Variants in PITPNC1 observed in about 807,000 individuals in gnomAD.
PITPNC1 encodes the protein phosphatidylinositol transfer protein cytoplasmic 1.
Under a neutral mutation model 44.7 loss-of-function variants are expected in PITPNC1, and 18 were observed. The observed-to-expected ratio is 0.40, with a 90% CI of 0.28 to 0.60. The LOEUF (loss-of-function observed/expected upper bound fraction) is 0.60. Ranked by LOEUF, PITPNC1 falls within the 20% of genes least tolerant of loss-of-function variation. PITPNC1 has a pLI of 0.39. For synonymous variants in PITPNC1, 141 were observed against 149.6 expected, an observed-to-expected ratio of 0.94 and a Z score of 0.42; for missense variants, 290 against 418.4, an observed-to-expected ratio of 0.69 and a Z score of 2.68.
intron 5 of PITPNC1, among the ~76,000 whole-genome samples, chr17:67,623,253 C>T (rs994115513): frequency 2.0e-5 from 3 of 152,156 alleles, no homozygotes; most frequent in African/African-American, 7.2e-5. Context: ...GCCACCTCTA[C>T]CTTGTATCCT....
At chr17:67,641,945 C>T (rs1010765494) in intron 6 of PITPNC1, among the ~76,000 whole-genome samples, 3 of 152,034 alleles carry the variant, frequency 2.0e-5, no homozygotes, top group Non-Finnish European at 4.4e-5. Context: ...GTTGTTCTAA[C>T]GTCTCTGTAG....
chr17:67,439,066 G>A (rs542912302), intron 1 of PITPNC1, among the ~76,000 whole-genome samples: 1 of 152,252 alleles, frequency 6.6e-6, no homozygotes, highest in East Asian at 1.9e-4. Context: ...ACAAGTTTCT[G>A]GTTGGTTTCG....
At chr17:67,682,472 A>G (rs777702147) in intron 8 of PITPNC1, among the ~76,000 whole-genome samples, 19 of 152,104 alleles carry the variant, frequency 1.2e-4, no homozygotes, top group Non-Finnish European at 2.8e-4. Flanking sequence ...TCACGCCCTG[A>G]GATAAGAGTC....
intron 1 of PITPNC1, among the ~76,000 whole-genome samples, chr17:67,449,443 C>A (rs1414960960): frequency 6.6e-6 from 1 of 152,128 alleles, no homozygotes; most frequent in African/African-American, 2.4e-5. Context: ...TGCTGACGAC[C>A]CGAGATTCCT....
intron 4 of PITPNC1, among the ~76,000 whole-genome samples, chr17:67,562,672 G>A (rs1379665581): frequency 6.6e-6 from 1 of 151,902 alleles, no homozygotes; most frequent in Non-Finnish European, 1.5e-5. Flanking sequence ...ACCCTCACAA[G>A]GCAGAAGGGC....
chr17:67,552,342 A>G lies in PITPNC1; in HGVS notation c.283A>G (p.Thr95Ala). ...TTGGAACTATTATCCCTACACAATT[A>G]CAGGTAAGTCCTTAGTACAACCATA... ...KAWNYYPYTI[T>A]EYTCSFLPKF... The change falls in exon 3 of 9, where the codon ACA (threonine) becomes GCA (alanine). Residue 95 changes from threonine to alanine, a missense_variant. Coordinates refer to ENST00000581322, the MANE Select transcript of PITPNC1 (RefSeq NM_012417.4). 1 of 1,518,908 alleles carries G rather than the reference A, an allele frequency of 6.6e-7. No individual in the cohort carries two copies. 94.1% of individuals were successfully genotyped at this position (1,518,908 alleles called of 1,614,324 possible). A position where few individuals can be genotyped will look rare whatever the true frequency, so the allele number is the denominator to read the frequency against.
chr17:67,581,063 G>C (rs1029188306), intron 5 of PITPNC1, among the ~76,000 whole-genome samples: 1 of 152,224 alleles, frequency 6.6e-6, no homozygotes. Context: ...AAGAGGTGCA[G>C]AGGGGACACG....
At chr17:67,611,400 C>G (rs2041685315) in intron 5 of PITPNC1, 1 of 152,222 alleles carries the variant, frequency 6.6e-6, no homozygotes, top group South Asian at 2.1e-4. Context: ...AGACAGCTAT[C>G]CAAACCAATA....
At chr17:67,601,988 A>T (rs2041546392) in intron 5 of PITPNC1, among the ~76,000 whole-genome samples, 1 of 152,118 alleles carries the variant, frequency 6.6e-6, no homozygotes, top group African/African-American at 2.4e-5. Context: ...GAAGGAGGGT[A>T]ATAAAGGTCA....
At chr17:67,504,412 G>C (rs2040074274) in intron 1 of PITPNC1, among the ~76,000 whole-genome samples, 2 of 152,190 alleles carry the variant, frequency 1.3e-5, no homozygotes, top group South Asian at 4.1e-4. Context: ...AAAAGGCATG[G>C]AGGTAGCAAT....
At chr17:67,663,861 G>A (rs2042383488) in intron 6 of PITPNC1, among the ~76,000 whole-genome samples, 1 of 152,190 alleles carries the variant, frequency 6.6e-6, no homozygotes, top group Admixed American at 6.5e-5. Flanking sequence ...ATGGAAACCT[G>A]CTTCCGCCCT....
At chr17:67,427,090 A>T (rs1321461411) in intron 1 of PITPNC1, among the ~76,000 whole-genome samples, 3 of 152,182 alleles carry the variant, frequency 2.0e-5, no homozygotes, top group African/African-American at 7.2e-5. Flanking sequence ...AGTCTCCATG[A>T]TTGGCCCTGG....
intron 1 of PITPNC1, among the ~76,000 whole-genome samples, chr17:67,421,271 C>T (rs761010469): frequency 1.3e-5 from 2 of 151,978 alleles, no homozygotes; most frequent in Non-Finnish European, 2.9e-5. Flanking sequence ...AAACAGAGAA[C>T]GGTAACTTTT....
intron 1 of PITPNC1, among the ~76,000 whole-genome samples, chr17:67,431,534 G>C (rs1436140164): frequency 1.3e-5 from 2 of 152,170 alleles, no homozygotes; most frequent in African/African-American, 4.8e-5. Context: ...CAGTTTTTAA[G>C]TTGTGGTTTT....
chr17:67,667,620 C>T (rs774678358), intron 6 of PITPNC1, among the ~76,000 whole-genome samples: 60 of 149,422 alleles, frequency 4.0e-4, no homozygotes, highest in Non-Finnish European at 7.7e-4. Flanking sequence ...AAATAATCAG[C>T]AAATGATTGG....
chr17:67,507,516 C>G (rs1400378771), intron 1 of PITPNC1, among the ~76,000 whole-genome samples: 3 of 151,874 alleles, frequency 2.0e-5, no homozygotes, highest in African/African-American at 7.3e-5. Flanking sequence ...GAAACCCCAT[C>G]TCCACTAAAA....
intron 6 of PITPNC1, among the ~76,000 whole-genome samples, chr17:67,645,130 C>T (rs1208163421): frequency 1.3e-5 from 2 of 152,008 alleles, no homozygotes; most frequent in African/African-American, 2.4e-5. Context: ...CACCTGAGGT[C>T]GGGAGTTTGA....
intron 2 of PITPNC1, among the ~76,000 whole-genome samples, chr17:67,536,622 T>G (rs2040534597): frequency 6.6e-6 from 1 of 152,142 alleles, no homozygotes; most frequent in African/African-American, 2.4e-5. Context: ...AAGAGAAAAC[T>G]TGATCAATCC....
At chr17:67,627,114 G>A (rs1255939115) in intron 5 of PITPNC1, among the ~76,000 whole-genome samples, 3 of 152,120 alleles carry the variant, frequency 2.0e-5, no homozygotes, top group Non-Finnish European at 4.4e-5. Context: ...TTAGCCGGGC[G>A]TGGTGACAGG....
Sources: gnomAD v4.1 joint callset for allele counts (sites outside exome capture counted in the v4.1 genomes callset) on GRCh38, gnomAD v4.1.1 for gene constraint, MANE v1.5 for transcripts, NCBI Gene and HGNC (gene_info 2026-07-23, HGNC 2026-07-21) for gene names.